The following NRG2 variants were observed in gnomAD, a reference collection of about 807,000 sequenced individuals.
NRG2 encodes the protein neuregulin 2, also known as pro-neuregulin-2, membrane-bound isoform.
In NRG2, 27 loss-of-function variants were observed where a neutral mutation model predicts 73.9. The ratio of observed to expected loss-of-function variants is 0.37; its 90% CI spans 0.27 to 0.50. NRG2 has a LOEUF of 0.50. Ranked by LOEUF, NRG2 falls within the 20% of genes least tolerant of loss-of-function variation. NRG2 has a pLI of 0.96. For synonymous variants in NRG2, 532 were observed against 541.0 expected (o/e 0.98, Z 0.23); for missense variants, 1,126 against 1,210.1 (o/e 0.93, Z 1.03).
At chr5:140,006,903 G>A (rs543437196) in intron 1 of NRG2, among the ~76,000 whole-genome samples, 2 of 152,124 alleles carry the variant, frequency 1.3e-5, no homozygotes, top group Non-Finnish European at 2.9e-5. Context: ...AGGGTCTTCC[G>A]TGAGTCAGAA....
chr5:139,930,789 C>T (rs1162815141), intron 1 of NRG2, among the ~76,000 whole-genome samples: 1 of 152,208 alleles, frequency 6.6e-6, no homozygotes, highest in African/African-American at 2.4e-5. Flanking sequence ...AAGAGCACAG[C>T]CAGGGCTAAA....
intron 1 of NRG2, among the ~76,000 whole-genome samples, chr5:139,970,063 T>G (rs1040181354): frequency 3.9e-5 from 6 of 152,306 alleles, no homozygotes; most frequent in Non-Finnish European, 8.8e-5. Flanking sequence ...TAGAAGTCCC[T>G]AAAGGGCTAT....
chr5:139,990,347 G>A (rs969670204), intron 1 of NRG2, among the ~76,000 whole-genome samples: 1 of 150,952 alleles, frequency 6.6e-6, no homozygotes, highest in African/African-American at 2.4e-5. Flanking sequence ...TTATCATCCA[G>A]GCTGGAGGGC....
intron 1 of NRG2, among the ~76,000 whole-genome samples, chr5:139,994,910 G>A (rs181968160): frequency 1.3e-5 from 2 of 152,278 alleles, no homozygotes; most frequent in Non-Finnish European, 2.9e-5. Flanking sequence ...TGAACTACAA[G>A]GGTTTTAAGA....
Position 139,853,153 on chromosome 5 carries a change from C to A in NRG2, c.1293-126G>T. 7.6e-7 allele frequency: 1 copy of A among 1,315,086 alleles called. No individual in the cohort carries two copies. The highest frequency in any genetic ancestry group is 1.1e-6 in the Non-Finnish European group (1 of 949,286). The allele number at this position is 1,315,086 out of a possible 1,614,324, so 81.5% of individuals were successfully genotyped here. ...GGGTGGCCATGGCTACTGCTCGTCC[C>A]TGTACTCAAGCTGCCCTACAGCATC... On this transcript the variant is annotated intron_variant, in intron 6 of 9. Transcript: ENST00000361474. This position sits in a 1 kb window ranked among gnomAD's most constrained non-coding sequence, Gnocchi z 4.1.
chr5:139,948,908 G>C (rs1753990337), intron 1 of NRG2, among the ~76,000 whole-genome samples: 1 of 152,008 alleles, frequency 6.6e-6, no homozygotes, highest in Non-Finnish European at 1.5e-5. Context: ...ACAGAGGCTA[G>C]AGTCAAGATT....
At chr5:140,024,688 C>G (rs1365704013) in intron 1 of NRG2, among the ~76,000 whole-genome samples, 2 of 152,162 alleles carry the variant, frequency 1.3e-5, no homozygotes, top group African/African-American at 4.8e-5. Context: ...GGTCAGTCCC[C>G]CATTATCTTC....
intron 1 of NRG2, among the ~76,000 whole-genome samples, chr5:140,002,798 T>A (rs1316132755): frequency 6.6e-6 from 1 of 152,212 alleles, no homozygotes; most frequent in Non-Finnish European, 1.5e-5. Context: ...GAGACCAATT[T>A]GAAGGCTATT....
intron 4 of NRG2, 37 bp downstream of exon 4, chr5:139,871,684 G>A: frequency 6.2e-7 from 1 of 1,612,296 alleles, no homozygotes; most frequent in Non-Finnish European, 8.5e-7. Flanking sequence ...CTCCTACCCT[G>A]TTCTTGCTCC....
At chr5:139,970,358 T>C (rs1755873680) in intron 1 of NRG2, among the ~76,000 whole-genome samples, 1 of 152,066 alleles carries the variant, frequency 6.6e-6, no homozygotes, top group South Asian at 2.1e-4. Flanking sequence ...GATCAGAGCT[T>C]TCAAGTCAGG....
At chr5:140,019,520 A>G (rs2126663846) in intron 1 of NRG2, 1 of 152,368 alleles carries the variant, frequency 6.6e-6, no homozygotes, top group South Asian at 2.1e-4. Context: ...GGTGTTTACA[A>G]CTAATGCATC....
chr5:139,896,388 G>A (rs2127155536), intron 1 of NRG2, among the ~76,000 whole-genome samples: 1 of 152,286 alleles, frequency 6.6e-6, no homozygotes, highest in African/African-American at 2.4e-5. Context: ...CATGGGTGCA[G>A]GGTGCCCAGG....
chr5:139,928,371 G>T (rs1038217196), intron 1 of NRG2, among the ~76,000 whole-genome samples: 3 of 152,018 alleles, frequency 2.0e-5, no homozygotes, highest in Non-Finnish European at 4.4e-5. Flanking sequence ...CTTCTCCCAG[G>T]GTTCTCTCCT....
chr5:139,911,587 C>G (rs1426318727), intron 1 of NRG2, among the ~76,000 whole-genome samples: 1 of 152,208 alleles, frequency 6.6e-6, no homozygotes, highest in Non-Finnish European at 1.5e-5. Context: ...GTACCAGGCC[C>G]TGCTGCAGGT....
chr5:139,961,419 C>T (rs916676128), intron 1 of NRG2, among the ~76,000 whole-genome samples: 1 of 151,034 alleles, frequency 6.6e-6, no homozygotes, highest in African/African-American at 2.4e-5. Flanking sequence ...TGACACATCA[C>T]TCTAGAGGAC....
At chr5:139,945,464 T>TA (rs1172510308) in intron 1 of NRG2, among the ~76,000 whole-genome samples, 1 of 152,088 alleles carries the variant, frequency 6.6e-6, no homozygotes, top group Non-Finnish European at 1.5e-5. Flanking sequence ...TGGCTGTAAA[T>TA]ATGTGGGTTT....
At position 140,037,658 on chromosome 5, in the gene NRG2, C is replaced by T. The variant is rs150292288; in HGVS notation, c.700+4712G>A. Among the ~76,000 whole-genome samples the T allele has an allele frequency of 1.8e-3, 268 of 152,258 alleles. 1 individual carries two copies. Among genetic ancestry groups the T allele is most frequent in the African/African-American group, 5.9e-3 (246 of 41,546 alleles). On this transcript the variant is annotated intron_variant, in intron 1 of 9. Coordinates refer to ENST00000361474, the MANE Select transcript of NRG2 (RefSeq NM_004883.3). Reference sequence around the variant, plus strand: ...GGCGCGGTGGCTCACGCCTGTAATCCAAGCACTTTGGGGGGCCAAGGCGGG... The same window carrying T: ...GGCGCGGTGGCTCACGCCTGTAATCTAAGCACTTTGGGGGGCCAAGGCGGG...
In NRG2 at chr5:139,847,986, G is replaced by A. The variant is rs757410303; in HGVS notation, c.2484C>T (p.Ser828=). Residue 828 remains serine, a synonymous_variant, in exon 10 of 10, where the codon AGC becomes AGT. Transcript: ENST00000361474. The part of the protein sequence containing the change: ...SRTYYSLDSH[S]TRASSRHSRG... ...GGCTGTGTCTGCTGCTGGCCCGCGT[G>A]CTGTGGCTGTCCAGTGAGTAGTAAG... 21 of 1,513,990 alleles carry A rather than the reference G, an allele frequency of 1.4e-5. No homozygotes were observed. The East Asian group carries it at 5.4e-4, about 39-fold the overall frequency. 93.8% of individuals were successfully genotyped at this position (1,513,990 alleles called of 1,614,324 possible).
At chr5:140,036,010 C>T (rs1378470918) in intron 1 of NRG2, among the ~76,000 whole-genome samples, 1 of 152,172 alleles carries the variant, frequency 6.6e-6, no homozygotes, top group East Asian at 1.9e-4. Flanking sequence ...GAAATGTTAA[C>T]CACCAGTCCT....
Sources: allele counts gnomAD v4.1 joint callset (sites outside exome capture counted in the v4.1 genomes callset), GRCh38; gene constraint gnomAD v4.1.1; non-coding constraint Gnocchi (gnomAD v3.1); transcripts MANE v1.5; gene names NCBI Gene and HGNC (gene_info 2026-07-23, HGNC 2026-07-21).